MFHAS1: variants seen among roughly 807,000 people sequenced by gnomAD.
The protein encoded by MFHAS1 is malignant fibrous histiocytoma-amplified sequence 1.
MFHAS1 carries 50 observed loss-of-function variants against 70.4 expected under a neutral mutation model. That is an observed-to-expected ratio of 0.71 (90% CI 0.57 to 0.90). The LOEUF (loss-of-function observed/expected upper bound fraction) is 0.90. MFHAS1 is among the 40% of genes least tolerant of loss of function. The pLI, the probability that MFHAS1 is intolerant of heterozygous loss-of-function variation, is 0.00. For missense variants in MFHAS1, 1,795 were observed against 1,347.6 expected (o/e 1.33, Z -5.20); for synonymous variants, 952 against 620.0 (o/e 1.54, Z -7.96).
At chr8:8,819,606 AAC>A (rs1446043022) in intron 1 of MFHAS1, among the ~76,000 whole-genome samples, 4 of 145,386 alleles carry the variant, frequency 2.8e-5, no homozygotes, top group Admixed American at 6.7e-5. Flanking sequence ...TCCAACTCAA[AAC>A]AAAAAAAAAA....
At chr8:8,810,887 A>G (rs7006418) in intron 1 of MFHAS1, among the ~76,000 whole-genome samples, 150,100 of 152,238 alleles carry the variant, frequency 0.99, 74,016 homozygotes, top group East Asian at 1. Context: ...GAGGAAGGAG[A>G]AGGAGTGAAG....
intron 1 of MFHAS1, among the ~76,000 whole-genome samples, chr8:8,830,713 A>G (rs1247921099): frequency 2.6e-5 from 4 of 152,240 alleles, no homozygotes; most frequent in South Asian, 2.1e-4. Flanking sequence ...AGTAATTCAC[A>G]TGCCTCAGCC....
chr8:8,839,788 TCACCTGG>T (rs1356448967), intron 1 of MFHAS1, among the ~76,000 whole-genome samples: 2 of 152,148 alleles, frequency 1.3e-5, no homozygotes, highest in African/African-American at 2.4e-5. Flanking sequence ...AGAGTAACGG[TCACCTGG>T]CTGAATCCAC....
At chr8:8,878,177 G>C (rs1255150598) in intron 1 of MFHAS1, among the ~76,000 whole-genome samples, 1 of 152,140 alleles carries the variant, frequency 6.6e-6, no homozygotes, top group South Asian at 2.1e-4. Context: ...GTACCAGACT[G>C]TCTGCCCAGA....
intron 1 of MFHAS1, among the ~76,000 whole-genome samples, chr8:8,883,608 T>A (rs1196523903): frequency 6.8e-6 from 1 of 146,846 alleles, no homozygotes; most frequent in Non-Finnish European, 1.5e-5. Context: ...CTCGGGAGGC[T>A]GAGGCAGGAG....
intron 1 of MFHAS1, among the ~76,000 whole-genome samples, chr8:8,815,042 G>T (rs1806690139): frequency 6.6e-6 from 1 of 151,988 alleles, no homozygotes; most frequent in African/African-American, 2.4e-5. Context: ...ACAGGCCCCA[G>T]TGTGTGTTGT....
intron 1 of MFHAS1, among the ~76,000 whole-genome samples, chr8:8,864,330 G>A (rs1273860117): frequency 3.9e-5 from 6 of 152,188 alleles, no homozygotes; most frequent in East Asian, 3.8e-4. Context: ...CCCACTGCAC[G>A]ATTCAAGGAT....
chr8:8,826,959 C>T (rs1335662162), intron 1 of MFHAS1, among the ~76,000 whole-genome samples: 1 of 152,208 alleles, frequency 6.6e-6, no homozygotes, highest in Non-Finnish European at 1.5e-5. Flanking sequence ...CAACCCTGCA[C>T]TGCTGACATA....
rs530273991 is a variant in MFHAS1, at chr8:8,785,222, T to C, written c.*800A>G. 6.6e-5 allele frequency: 10 copies of C among 152,262 alleles called. No homozygotes were observed. In the South Asian group the frequency reaches 1.9e-3, roughly 28 times the overall value. The allele number at this position is 152,262 out of a possible 1,614,324, so 9.4% of individuals were successfully genotyped here. A position where few individuals can be genotyped will look rare whatever the true frequency, so the allele number is the denominator to read the frequency against. On this transcript the variant is annotated 3_prime_UTR_variant, in exon 3 of 3. Coordinates refer to ENST00000276282, the MANE Select transcript of MFHAS1 (RefSeq NM_004225.3). ...ATCTCTGCCCAGCACTAATAACACG[T>C]TGGAAGAGCAAAGGATTTCCCACCA...
intron 2 of MFHAS1, among the ~76,000 whole-genome samples, chr8:8,796,954 C>A (rs1389977910): frequency 6.6e-6 from 1 of 151,770 alleles, no homozygotes; most frequent in African/African-American, 2.4e-5. Context: ...CGAGATCGCA[C>A]CACTGCACTC....
chr8:8,812,959 G>A (rs972621395), intron 1 of MFHAS1, among the ~76,000 whole-genome samples: 1 of 152,108 alleles, frequency 6.6e-6, no homozygotes, highest in Non-Finnish European at 1.5e-5. Context: ...TAGGGACGGG[G>A]TTTCACTTTG....
rs112140342 is a variant in MFHAS1 at position 8,826,247 on chromosome 8, A to AGTGTGTGTGT, written c.2999-28766_2999-28757dup. On this transcript the variant is annotated intron_variant, in intron 1 of 2. Coordinates refer to ENST00000276282, the MANE Select transcript of MFHAS1 (RefSeq NM_004225.3). ...AGAAATACTGCATGCAAACACAAAG[A>AGTGTGTGTGT]GTGTGTGTGTGTGTGTGTGTGTGTG... Among the ~76,000 whole-genome samples, 1,277 of 147,842 alleles carry AGTGTGTGTGT rather than the reference A, an allele frequency of 8.6e-3. 6 individuals carry two copies. Among genetic ancestry groups the AGTGTGTGTGT allele is most frequent in the Middle Eastern group, 0.02 (6 of 294 alleles).
At chr8:8,786,775 C>T (rs964674255) in intron 2 of MFHAS1, among the ~76,000 whole-genome samples, 4 of 150,900 alleles carry the variant, frequency 2.7e-5, no homozygotes, top group African/African-American at 4.9e-5. Flanking sequence ...AGTTACGATT[C>T]GTTTCCTCCA....
chr8:8,876,645 G>A (rs536043809), intron 1 of MFHAS1, among the ~76,000 whole-genome samples: 239 of 152,014 alleles, frequency 1.6e-3, no homozygotes, highest in Middle Eastern at 3.4e-3. Context: ...CCAAAGTGCT[G>A]GGATTACAGG....
chr8:8,889,974 C>A, intron 1 of MFHAS1, 87 bp downstream of exon 1: 1 of 1,180,034 alleles, frequency 8.5e-7, no homozygotes, highest in South Asian at 1.5e-5. Context: ...TGAAGTTAAA[C>A]AAACATTCTG....
In MFHAS1 at chr8:8,887,544, C is replaced by T. The variant is rs191227342; in HGVS notation, c.2998+2517G>A. 7.9e-3 allele frequency among the ~76,000 whole-genome samples: 1,188 copies of T among 149,920 alleles called. 4 individuals are homozygous for T. The highest frequency in any genetic ancestry group is 9.9e-3 in the Non-Finnish European group (668 of 67,596). On this transcript the variant is annotated intron_variant, in intron 1 of 2. Transcript: ENST00000276282. Reference sequence around the variant, plus strand: ...AAATATGTACGTTGGTGTATATATACATATATATTTTATATGTACATATTT... The same window carrying T: ...AAATATGTACGTTGGTGTATATATATATATATATTTTATATGTACATATTT...
At position 8,880,786 on chromosome 8, in the gene MFHAS1, G is replaced by A. The variant is rs1325923858; in HGVS notation, c.2998+9275C>T. Among the ~76,000 whole-genome samples, 7 of 151,754 alleles carry A rather than the reference G, an allele frequency of 4.6e-5. No individual in the cohort carries two copies. The East Asian group carries it at 1.4e-3, about 29-fold the overall frequency. ...TGCAACCTCCGCCTCTTGGGTTCAA[G>A]TGATTCTCCTGCCTCAGCCTCCCAA... On this transcript the variant is annotated intron_variant, in intron 1 of 2. Transcript: ENST00000276282.
chr8:8,843,627 G>T (rs1158841952), intron 1 of MFHAS1, among the ~76,000 whole-genome samples: 1 of 152,104 alleles, frequency 6.6e-6, no homozygotes, highest in Non-Finnish European at 1.5e-5. Context: ...AGAGAAAGCA[G>T]GGAGCGGGGT....
chr8:8,825,209 A>G (rs140439303), intron 1 of MFHAS1, among the ~76,000 whole-genome samples: 93 of 152,212 alleles, frequency 6.1e-4, no homozygotes, highest in African/African-American at 2.2e-3. Flanking sequence ...GTCTCCCTCT[A>G]TTGCCCAGGC....
Sources: allele counts gnomAD v4.1 joint callset (sites outside exome capture counted in the v4.1 genomes callset), GRCh38; gene constraint gnomAD v4.1.1; transcripts MANE v1.5; gene names NCBI Gene and HGNC (gene_info 2026-07-23, HGNC 2026-07-21).